The following TBC1D22A variants were observed in gnomAD, a reference collection of about 807,000 sequenced individuals.
TBC1D22A encodes the protein TBC1 domain family member 22A.
TBC1D22A carries 38 observed loss-of-function variants against 60.2 expected under a neutral mutation model. The observed-to-expected ratio is 0.63, with a 90% CI of 0.49 to 0.83. TBC1D22A has a LOEUF of 0.83. Among genes scored for constraint, TBC1D22A ranks in the 40% least tolerant of loss-of-function variants. The pLI, the probability that TBC1D22A is intolerant of heterozygous loss-of-function variation, is 0.00. For missense variants in TBC1D22A, 628 were observed against 701.0 expected, an observed-to-expected ratio of 0.90 and a Z score of 1.18; for synonymous variants, 302 against 281.7, an observed-to-expected ratio of 1.07 and a Z score of -0.72.
chr22:47,034,200 G>C (rs990173115), intron 10 of TBC1D22A, among the ~76,000 whole-genome samples: 1 of 152,196 alleles, frequency 6.6e-6, no homozygotes, highest in South Asian at 2.1e-4. Flanking sequence ...ACACGCTGGC[G>C]CTGCCTCTGG....
intron 1 of TBC1D22A, among the ~76,000 whole-genome samples, chr22:46,779,508 C>G (rs2083848280): frequency 6.6e-6 from 1 of 152,184 alleles, no homozygotes; most frequent in Non-Finnish European, 1.5e-5. Context: ...ATCTGCCCGC[C>G]TCGGCCTCCC....
chr22:46,923,614 G>A (rs908135220), intron 8 of TBC1D22A, among the ~76,000 whole-genome samples: 2 of 152,352 alleles, frequency 1.3e-5, no homozygotes, highest in South Asian at 4.1e-4. Context: ...GCACTTGCCC[G>A]CTCAGCGCTC....
Position 46,777,784 on chromosome 22 carries a change from C to T in TBC1D22A, c.63-14736C>T, listed in dbSNP as rs939688591. ...TGGCTGGCTGCCAGGGTGGCGGAGC[C>T]GCTCCGAAAGTCATGCATCACTTAG... is the stretch of plus-strand genomic sequence containing the variant. On this transcript the variant is annotated intron_variant, in intron 1 of 12. Coordinates refer to ENST00000337137, the MANE Select transcript of TBC1D22A (RefSeq NM_014346.5). The surrounding 1 kb of genome is among the most constrained non-coding windows in gnomAD (Gnocchi z 4.5). 1.3e-5 allele frequency among the ~76,000 whole-genome samples: 2 copies of T among 152,122 alleles called. No individual in the cohort carries two copies. The highest frequency in any genetic ancestry group is 1.3e-4 in the Admixed American group (2 of 15,272).
At chr22:46,880,676 G>T (rs1236365813) in intron 5 of TBC1D22A, among the ~76,000 whole-genome samples, 3 of 152,094 alleles carry the variant, frequency 2.0e-5, no homozygotes, top group Non-Finnish European at 2.9e-5. Context: ...TGAACCAGGG[G>T]GTGGAGGAGT....
chr22:46,861,315 G>A (rs543623506), intron 4 of TBC1D22A, among the ~76,000 whole-genome samples: 2 of 152,292 alleles, frequency 1.3e-5, no homozygotes, highest in Admixed American at 6.5e-5. Flanking sequence ...AGAATAAAAT[G>A]TGTCTCTATT....
At chr22:47,081,296 C>T (rs2064458476) in intron 11 of TBC1D22A, among the ~76,000 whole-genome samples, 1 of 152,160 alleles carries the variant, frequency 6.6e-6, no homozygotes, top group Non-Finnish European at 1.5e-5. Context: ...CAAAATTCAG[C>T]ACCCGCCGTG....
At chr22:46,832,376 C>T (rs919877129) in intron 4 of TBC1D22A, among the ~76,000 whole-genome samples, 4 of 152,218 alleles carry the variant, frequency 2.6e-5, no homozygotes, top group Non-Finnish European at 4.4e-5. Flanking sequence ...TGGGGCCGGG[C>T]GCAGTGGCTC....
intron 12 of TBC1D22A, among the ~76,000 whole-genome samples, chr22:47,149,647 A>T (rs2067426731): frequency 6.6e-6 from 1 of 152,080 alleles, no homozygotes; most frequent in Non-Finnish European, 1.5e-5. Flanking sequence ...GAAGGATGGC[A>T]GAGCCGGCAG....
chr22:47,059,607 A>G (rs1177093738), intron 11 of TBC1D22A, among the ~76,000 whole-genome samples: 1 of 152,146 alleles, frequency 6.6e-6, no homozygotes, highest in Non-Finnish European at 1.5e-5. Flanking sequence ...GGAATGAAGA[A>G]TTACCGATCT....
chr22:47,056,573 G>T (rs942935670), intron 11 of TBC1D22A, among the ~76,000 whole-genome samples: 4 of 152,050 alleles, frequency 2.6e-5, no homozygotes, highest in African/African-American at 9.7e-5. Flanking sequence ...TCTCCACCCC[G>T]TCTGTGCACA....
intron 7 of TBC1D22A, among the ~76,000 whole-genome samples, chr22:46,910,884 G>A (rs888165772): frequency 2.0e-5 from 3 of 150,334 alleles, no homozygotes; most frequent in Non-Finnish European, 4.4e-5. Context: ...TCCAGGCAGC[G>A]GTAGGAGTAC....
chr22:46,821,518 G>T (rs895172206), intron 4 of TBC1D22A, among the ~76,000 whole-genome samples: 1 of 152,106 alleles, frequency 6.6e-6, no homozygotes, highest in Non-Finnish European at 1.5e-5. Context: ...AGCTTAGTTT[G>T]GCTGGATGTG....
intron 7 of TBC1D22A, among the ~76,000 whole-genome samples, chr22:46,908,798 A>T (rs2069677232): frequency 6.6e-6 from 1 of 152,118 alleles, no homozygotes; most frequent in Non-Finnish European, 1.5e-5. Context: ...TTGTTTGCTA[A>T]CTGAAGGCTT....
rs8137181 is a variant in TBC1D22A at position 46,955,653 on chromosome 22, A to G, written c.1016-18637A>G. On this transcript the variant is annotated intron_variant, in intron 8 of 12. Coordinates refer to ENST00000337137, the MANE Select transcript of TBC1D22A (RefSeq NM_014346.5). ...GACTAATAAGCTGAAAAAACCGTCT[A>G]ACTTCACAGGTAATGAAAATGCAAA... Among the ~76,000 whole-genome samples the G allele has an allele frequency of 2.4e-3, 371 of 152,380 alleles. 2 individuals carry two copies. Among genetic ancestry groups the G allele is most frequent in the African/African-American group, 8.5e-3 (352 of 41,584 alleles).
At chr22:47,107,656 A>G (rs930131458) in intron 11 of TBC1D22A, among the ~76,000 whole-genome samples, 2 of 152,256 alleles carry the variant, frequency 1.3e-5, no homozygotes, top group Non-Finnish European at 2.9e-5. Flanking sequence ...GTCATGAGTC[A>G]GAAATCCCAG....
chr22:47,160,999 A>C (rs2067960394), intron 12 of TBC1D22A, among the ~76,000 whole-genome samples: 1 of 152,096 alleles, frequency 6.6e-6, no homozygotes. Flanking sequence ...AGAAAAACTG[A>C]GGTTTCCAGG....
chr22:47,123,294 C>A (rs544523522), intron 12 of TBC1D22A, among the ~76,000 whole-genome samples: 3 of 152,270 alleles, frequency 2.0e-5, no homozygotes, highest in African/African-American at 7.2e-5. Flanking sequence ...ACCTGTGAAG[C>A]CCCCTTGCTG....
At chr22:46,825,887 T>A (rs1002917745) in intron 4 of TBC1D22A, among the ~76,000 whole-genome samples, 6 of 147,184 alleles carry the variant, frequency 4.1e-5, no homozygotes, top group Non-Finnish European at 7.6e-5. Context: ...GTGGTCTTCT[T>A]TTTTTTTTTT....
At chr22:46,831,024 G>T (rs972264262) in intron 4 of TBC1D22A, among the ~76,000 whole-genome samples, 6 of 152,170 alleles carry the variant, frequency 3.9e-5, no homozygotes, top group African/African-American at 1.4e-4. Flanking sequence ...GAGTCACGGT[G>T]GATGACAGTG....
Sources: allele counts gnomAD v4.1 joint callset (sites outside exome capture counted in the v4.1 genomes callset), GRCh38; gene constraint gnomAD v4.1.1; non-coding constraint Gnocchi (gnomAD v3.1); transcripts MANE v1.5; gene names NCBI Gene and HGNC (gene_info 2026-07-23, HGNC 2026-07-21).